The following NPSR1 variants were observed in gnomAD, a reference collection of about 807,000 sequenced individuals.
The protein encoded by NPSR1 is neuropeptide S receptor 1, also known as neuropeptide S receptor.
Under a neutral mutation model 46.9 loss-of-function variants are expected in NPSR1, and 48 were observed. The ratio of observed to expected loss-of-function variants is 1.02; its 90% CI spans 0.81 to 1.30. NPSR1 has a LOEUF of 1.30. NPSR1 is among the 50% of genes most tolerant of loss of function. NPSR1 has a pLI of 0.00. For missense variants in NPSR1, 450 were observed against 449.5 expected, an observed-to-expected ratio of 1.00 and a Z score of -0.01; for synonymous variants, 176 against 168.1, an observed-to-expected ratio of 1.05 and a Z score of -0.36.
intron 2 of NPSR1, among the ~76,000 whole-genome samples, chr7:34,754,146 C>T (rs1344699009): frequency 6.6e-6 from 1 of 152,102 alleles, no homozygotes; most frequent in African/African-American, 2.4e-5. Flanking sequence ...CTGTCCTTTT[C>T]TGAGGTCTAC....
chr7:34,758,269 T>C (rs766851005), intron 2 of NPSR1: 3 of 152,262 alleles, frequency 2.0e-5, no homozygotes, highest in Non-Finnish European at 2.9e-5. Flanking sequence ...TTCTGAGTCC[T>C]AGACCTCCCC....
intron 2 of NPSR1, among the ~76,000 whole-genome samples, chr7:34,762,190 A>C (rs1183871718): frequency 1.3e-5 from 2 of 152,204 alleles, no homozygotes; most frequent in Non-Finnish European, 2.9e-5. Context: ...TCTTAGGACC[A>C]AAGCTTTCTG....
rs375676627 is a variant in NPSR1, at chr7:34,785,085, T to C, written c.384+6520T>C. Among the ~76,000 whole-genome samples, 198 of 151,920 alleles carry C rather than the reference T, an allele frequency of 1.3e-3. 2 individuals are homozygous for C. The highest frequency in any genetic ancestry group is 2.4e-3 in the Non-Finnish European group (162 of 67,948). On this transcript the variant is annotated intron_variant, in intron 3 of 8. Transcript: ENST00000360581. The stretch of plus-strand genomic sequence containing the variant: ...TGCTATAAAGACACATGCACACGTA[T>C]GTTTATTGTGGCACTATTCACAATA...
At chr7:34,755,558 C>A (rs903464196) in intron 2 of NPSR1, among the ~76,000 whole-genome samples, 1 of 152,018 alleles carries the variant, frequency 6.6e-6, no homozygotes, top group Non-Finnish European at 1.5e-5. Context: ...TTTTTCATTC[C>A]ACTAGTGGTG....
chr7:34,802,652 A>C (rs1424974755), intron 3 of NPSR1, among the ~76,000 whole-genome samples: 1 of 150,420 alleles, frequency 6.6e-6, no homozygotes, highest in Non-Finnish European at 1.5e-5. Flanking sequence ...GGACATAGGC[A>C]TGGGCAAGGA....
At chr7:34,751,400 T>C (rs1785518590) in intron 2 of NPSR1, 3 of 1,027,404 alleles carry the variant, frequency 2.9e-6, no homozygotes, top group African/African-American at 3.1e-5. Flanking sequence ...TTGTAGACTT[T>C]AAGCAAGAGT....
intron 2 of NPSR1, among the ~76,000 whole-genome samples, chr7:34,738,395 A>C (rs1208154897): frequency 6.6e-6 from 1 of 152,132 alleles, no homozygotes; most frequent in Non-Finnish European, 1.5e-5. Flanking sequence ...CAGGTTTTCT[A>C]TTTCTTCTCA....
rs548215701 is a variant in NPSR1, at chr7:34,749,857, G to A, written c.281-28605G>A. Among the ~76,000 whole-genome samples, 4 of 152,300 alleles carry A rather than the reference G, an allele frequency of 2.6e-5. No homozygotes were observed. The East Asian group carries it at 7.7e-4, about 29-fold the overall frequency. On this transcript the variant is annotated intron_variant, in intron 2 of 8. Transcript: ENST00000360581. The stretch of plus-strand genomic sequence containing the variant: ...TCAGGCACTTAATTAAATCTTTTAA[G>A]ATGACTCTTTCTGTGTTTGCCCTTA...
chr7:34,698,193 G>A (rs1304066206), intron 2 of NPSR1, among the ~76,000 whole-genome samples: 1 of 152,156 alleles, frequency 6.6e-6, no homozygotes, highest in African/African-American at 2.4e-5. Flanking sequence ...TACAAAGACA[G>A]GAGGGCTTCT....
At chr7:34,691,815 C>CA (rs56658946) in intron 2 of NPSR1, among the ~76,000 whole-genome samples, 24,158 of 151,940 alleles carry the variant, frequency 0.16, 2,528 homozygotes, top group African/African-American at 0.29. Flanking sequence ...AGGAAATCAA[C>CA]AAAAAATCTC....
intron 2 of NPSR1, among the ~76,000 whole-genome samples, chr7:34,765,148 C>T (rs890967535): frequency 6.6e-6 from 1 of 152,114 alleles, no homozygotes; most frequent in Non-Finnish European, 1.5e-5. Context: ...TGATTTAATA[C>T]CCCACTCTAA....
intron 2 of NPSR1, among the ~76,000 whole-genome samples, chr7:34,700,222 TGGAA>T (rs569169881): frequency 9.9e-5 from 15 of 151,832 alleles, no homozygotes; most frequent in African/African-American, 2.7e-4. Flanking sequence ...ACAACAGAGC[TGGAA>T]GGAAGGAAGG....
At chr7:34,682,010 C>G (rs1432739168) in intron 1 of NPSR1, among the ~76,000 whole-genome samples, 1 of 152,150 alleles carries the variant, frequency 6.6e-6, no homozygotes, top group Non-Finnish European at 1.5e-5. Context: ...TAGGACTATC[C>G]TAGGCAAACC....
intron 1 of NPSR1, among the ~76,000 whole-genome samples, chr7:34,678,191 C>A (rs1225557345): frequency 2.7e-5 from 4 of 148,814 alleles, no homozygotes; most frequent in African/African-American, 9.9e-5. Flanking sequence ...AGAAAAAATG[C>A]TGGATATGAT....
chr7:34,710,974 G>A (rs148829259), intron 2 of NPSR1: 21 of 356,566 alleles, frequency 5.9e-5, no homozygotes, highest in Non-Finnish European at 1.1e-4. Context: ...AAATGGCTAG[G>A]ATGGCAAGAA....
rs1266746861 is a variant in NPSR1, at chr7:34,827,425, T to C, written c.503T>C (p.Val168Ala). 6.2e-7 allele frequency: 1 copy of C among 1,614,020 alleles called. No individual in the cohort carries two copies. Among genetic ancestry groups the C allele is most frequent in the Admixed American group, 1.7e-5 (1 of 59,994 alleles). Residue 168 changes from valine (V) to alanine (A), a missense_variant, in exon 5 of 9, where the codon GTG becomes GCG. Transcript: ENST00000360581. ...QGEKQARVLI[V>A]IAWSLSFLFS... ...GAAAAGCAAGCCAGGGTCCTCATTGTGATCGCCTGGAGCCTGTCTTTTCTG... is the reference window on the plus strand; with the variant it reads ...GAAAAGCAAGCCAGGGTCCTCATTGCGATCGCCTGGAGCCTGTCTTTTCTG...
At chr7:34,744,361 G>A (rs1395163383) in intron 2 of NPSR1, among the ~76,000 whole-genome samples, 2 of 151,974 alleles carry the variant, frequency 1.3e-5, no homozygotes, top group African/African-American at 4.8e-5. Context: ...TGTTCTAGGT[G>A]CTTCCTTTTT....
At chr7:34,685,132 A>G (rs891478808) in intron 2 of NPSR1, among the ~76,000 whole-genome samples, 1 of 152,226 alleles carries the variant, frequency 6.6e-6, no homozygotes, top group African/African-American at 2.4e-5. Context: ...TGAAATGCAA[A>G]TGATGTGTAA....
chr7:34,855,340 A>G (rs1296856237), intron 8 of NPSR1, among the ~76,000 whole-genome samples: 1 of 152,092 alleles, frequency 6.6e-6, no homozygotes, highest in Non-Finnish European at 1.5e-5. Context: ...AATTAAATTA[A>G]TAAACCTCTG....
Sources: allele counts gnomAD v4.1 joint callset (sites outside exome capture counted in the v4.1 genomes callset), GRCh38; gene constraint gnomAD v4.1.1; transcripts MANE v1.5; gene names NCBI Gene and HGNC (gene_info 2026-07-23, HGNC 2026-07-21).